Variants in SOS1 observed in about 807,000 individuals in gnomAD.
SOS1 encodes the protein son of sevenless homolog 1.
A neutral mutation model predicts 157.6 loss-of-function variants in SOS1; 25 were observed. The ratio of observed to expected loss-of-function variants is 0.16; its 90% CI spans 0.12 to 0.22. SOS1 has a LOEUF of 0.22. SOS1 is among the 10% of genes least tolerant of loss of function. The probability of loss-of-function intolerance (pLI) is 1.00; values close to 1 mark genes in which losing one functional copy is unlikely to be tolerated. For missense variants in SOS1, 1,237 were observed against 1,599.1 expected (o/e 0.77, Z 3.86); for synonymous variants, 528 against 534.0 (o/e 0.99, Z 0.16).
chr2:38,999,218 T>C (rs1437217852), intron 17 of SOS1, among the ~76,000 whole-genome samples: 2 of 152,222 alleles, frequency 1.3e-5, no homozygotes, highest in Non-Finnish European at 2.9e-5. Flanking sequence ...TTCATGATGA[T>C]GAAGCTTGCT....
At chr2:39,117,154 G>A (rs891845383) in intron 1 of SOS1, among the ~76,000 whole-genome samples, 5 of 151,334 alleles carry the variant, frequency 3.3e-5, no homozygotes, top group Non-Finnish European at 7.4e-5. Flanking sequence ...TCAGCCTCCC[G>A]AGTAGCTGGG....
intron 6 of SOS1, among the ~76,000 whole-genome samples, chr2:39,045,690 T>A (rs1308616548): frequency 6.6e-6 from 1 of 152,194 alleles, no homozygotes; most frequent in Non-Finnish European, 1.5e-5. Flanking sequence ...ATAAGCTGCA[T>A]AAAGTGGATT....
chr2:39,120,005 C>A (rs1391936913), intron 1 of SOS1, among the ~76,000 whole-genome samples: 2 of 152,192 alleles, frequency 1.3e-5, no homozygotes, highest in African/African-American at 4.8e-5. Flanking sequence ...ACCAAGAAGA[C>A]GGAAAAGTGG....
chr2:39,013,953 A>T lies in SOS1; in HGVS notation c.1977T>A (p.Asp659Glu), dbSNP rs1362181978. 6 of 1,606,488 alleles carry T rather than the reference A, an allele frequency of 3.7e-6. No individual in the cohort carries two copies. Among genetic ancestry groups the T allele is most frequent in the Non-Finnish European group, 4.3e-6 (5 of 1,173,730 alleles). Residue 659 changes from aspartate to glutamate, a missense_variant, in exon 12 of 23, where the codon GAT (aspartate) becomes GAA (glutamate). Around this residue, in one of 15 missense-constraint regions of SOS1, gnomAD observed 55 missense variants for 43.1 expected, o/e 1.27. Transcript: ENST00000402219. ...EIPEPEPTEA[D>E]RIAIENGDQP... Reference sequence around the variant, plus strand: ...GATCTCCATTCTCTATAGCTATGCGATCAGCTTCTGTTGGCTCAGGCTCTG... The same window carrying T: ...GATCTCCATTCTCTATAGCTATGCGTTCAGCTTCTGTTGGCTCAGGCTCTG...
chr2:39,031,444 G>C (rs769187191), intron 8 of SOS1, among the ~76,000 whole-genome samples: 2 of 152,096 alleles, frequency 1.3e-5, no homozygotes, highest in Non-Finnish European at 2.9e-5. Flanking sequence ...TAAAATATTG[G>C]TCAGGCCAGG....
At chr2:39,110,074 G>GTGTGTT (rs1673366001) in intron 1 of SOS1, among the ~76,000 whole-genome samples, 1 of 150,494 alleles carries the variant, frequency 6.6e-6, no homozygotes, top group African/African-American at 2.5e-5. Context: ...GTGTGTGTGT[G>GTGTGTT]TGTGTATGTG....
intron 17 of SOS1, among the ~76,000 whole-genome samples, 173 bp downstream of exon 17, chr2:39,006,239 A>G (rs1380347848): frequency 6.6e-6 from 1 of 152,216 alleles, no homozygotes; most frequent in Non-Finnish European, 1.5e-5. Flanking sequence ...AATGTATATT[A>G]GACTTCACCT....
chr2:39,093,567 A>G (rs1057219915), intron 1 of SOS1, among the ~76,000 whole-genome samples: 1 of 152,226 alleles, frequency 6.6e-6, no homozygotes, highest in Non-Finnish European at 1.5e-5. Flanking sequence ...ATTTAACACA[A>G]TATCTAATCT....
chr2:38,994,185 T>C (rs1483072335), intron 20 of SOS1, among the ~76,000 whole-genome samples: 1 of 152,204 alleles, frequency 6.6e-6, no homozygotes, highest in Non-Finnish European at 1.5e-5. Flanking sequence ...TATATTGATT[T>C]CATGTTGAAA....
At chr2:39,027,465 G>T (rs1670002076) in intron 8 of SOS1, among the ~76,000 whole-genome samples, 1 of 152,170 alleles carries the variant, frequency 6.6e-6, no homozygotes, top group Non-Finnish European at 1.5e-5. Flanking sequence ...ATAAATTTCA[G>T]TGTAATAAAT....
chr2:39,100,306 G>C (rs899961209), intron 1 of SOS1, among the ~76,000 whole-genome samples: 5 of 152,164 alleles, frequency 3.3e-5, no homozygotes, highest in Admixed American at 6.5e-5. Flanking sequence ...ACCTAGCTGG[G>C]TATGTACTCA....
intron 1 of SOS1, among the ~76,000 whole-genome samples, chr2:39,103,610 C>G (rs1476951202): frequency 1.3e-5 from 2 of 152,148 alleles, no homozygotes; most frequent in African/African-American, 4.8e-5. Flanking sequence ...TGACGTTGGA[C>G]TCCTAACTCA....
chr2:39,076,053 A>G (rs1038258898), intron 1 of SOS1, among the ~76,000 whole-genome samples: 5 of 152,198 alleles, frequency 3.3e-5, no homozygotes, highest in Non-Finnish European at 5.9e-5. Flanking sequence ...ATTAAACCAA[A>G]CCAACACTAT....
chr2:39,124,563 G>T (rs1350012950), upstream of SOS1, among the ~76,000 whole-genome samples: 1 of 152,250 alleles, frequency 6.6e-6, no homozygotes, highest in African/African-American at 2.4e-5. Context: ...AACGCTCCGC[G>T]CCTTTGCCTG....
intron 1 of SOS1, among the ~76,000 whole-genome samples, chr2:39,105,987 C>T (rs1029048089): frequency 6.6e-6 from 1 of 152,012 alleles, no homozygotes; most frequent in South Asian, 2.1e-4. Flanking sequence ...GAGGCCCAGG[C>T]GGGTGAATCT....
intron 1 of SOS1, among the ~76,000 whole-genome samples, chr2:39,095,401 G>C (rs991785988): frequency 1.3e-5 from 2 of 152,188 alleles, no homozygotes; most frequent in Admixed American, 6.5e-5. Context: ...GATTAAGCTA[G>C]GGGAAAAGTC....
intron 1 of SOS1, among the ~76,000 whole-genome samples, chr2:39,088,899 A>G (rs56957809): frequency 0.05 from 7,575 of 152,228 alleles, 703 homozygotes; most frequent in African/African-American, 0.17. Flanking sequence ...TGTTTTTTAC[A>G]GAAGCTATAC....
At chr2:39,086,697 C>T (rs1251027441) in intron 1 of SOS1, among the ~76,000 whole-genome samples, 1 of 152,186 alleles carries the variant, frequency 6.6e-6, no homozygotes, top group Admixed American at 6.5e-5. Context: ...TTCCCCACAT[C>T]TTTCTACTTT....
chr2:39,012,974 G>A (rs1174685458), intron 13 of SOS1, among the ~76,000 whole-genome samples: 1 of 152,068 alleles, frequency 6.6e-6, no homozygotes, highest in East Asian at 1.9e-4. Context: ...CTTAGAGATC[G>A]ACAAACCTAG....
Sources: gnomAD v4.1 joint callset for allele counts (sites outside exome capture counted in the v4.1 genomes callset) on GRCh38, gnomAD v4.1.1 for gene constraint, gnomAD v4.1.1 regional missense constraint, MANE v1.5 for transcripts, NCBI Gene and HGNC (gene_info 2026-07-23, HGNC 2026-07-21) for gene names.